MACROD2: variants seen among roughly 807,000 people sequenced by gnomAD.
The protein encoded by MACROD2 is ADP-ribose glycohydrolase MACROD2.
In MACROD2, 36 loss-of-function variants were observed where a neutral mutation model predicts 70.4. The observed-to-expected ratio is 0.51, with a 90% confidence interval of 0.39 to 0.68. MACROD2 has a LOEUF of 0.68. MACROD2 is among the 30% of genes least tolerant of loss of function. The probability of loss-of-function intolerance (pLI) is 0.00; values close to 1 mark genes in which losing one functional copy is unlikely to be tolerated. For synonymous variants in MACROD2, 172 were observed against 178.8 expected, an observed-to-expected ratio of 0.96 and a Z score of 0.30; for missense variants, 496 against 538.4, an observed-to-expected ratio of 0.92 and a Z score of 0.78.
chr20:15,729,713 C>CTTT (rs2050916145), intron 8 of MACROD2, among the ~76,000 whole-genome samples: 1 of 151,430 alleles, frequency 6.6e-6, no homozygotes, highest in Non-Finnish European at 1.5e-5. Context: ...ATAACAACCC[C>CTTT]TCCTTTTTTC....
intron 9 of MACROD2, among the ~76,000 whole-genome samples, chr20:15,869,244 G>A (rs1304850117): frequency 1.3e-5 from 1 of 78,070 alleles, no homozygotes; most frequent in African/African-American, 4.2e-5. Context: ...TATATAGAGA[G>A]AGAGAGAGAG....
At chr20:14,708,528 G>A (rs1021707388) in intron 5 of MACROD2, among the ~76,000 whole-genome samples, 1 of 152,168 alleles carries the variant, frequency 6.6e-6, no homozygotes, top group African/African-American at 2.4e-5. Context: ...GAGATTGACT[G>A]TGAGAACATT....
Position 14,699,423 on chromosome 20 carries a change from T to A in MACROD2, c.418+14464T>A, listed in dbSNP as rs528873055. 3.3e-5 allele frequency among the ~76,000 whole-genome samples: 5 copies of A among 152,280 alleles called. No individual in the cohort carries two copies. The South Asian group carries it at 1.0e-3, about 32-fold the overall frequency. ...TGGGAAATAATAAAGCTTTACAACT[T>A]GTTCTTTACAAATAGAATGCTAGGG... On this transcript the variant is annotated intron_variant, in intron 5 of 17. Transcript: ENST00000684519.
intron 8 of MACROD2, among the ~76,000 whole-genome samples, chr20:15,638,693 A>ATATGATAG (rs1568945077): frequency 1.3e-5 from 2 of 152,098 alleles, no homozygotes; most frequent in African/African-American, 4.8e-5. Flanking sequence ...TCTTGAATTC[A>ATATGATAG]TATGATAGTA....
At chr20:15,971,258 TC>T (rs748827326) in intron 13 of MACROD2, among the ~76,000 whole-genome samples, 5 of 152,144 alleles carry the variant, frequency 3.3e-5, no homozygotes, top group Non-Finnish European at 5.9e-5. Context: ...TTTGGCTGTG[TC>T]CCCACCCAAA....
chr20:14,425,308 C>T (rs62204375), intron 3 of MACROD2, among the ~76,000 whole-genome samples: 23,565 of 152,144 alleles, frequency 0.15, 2,598 homozygotes, highest in Non-Finnish European at 0.22. Context: ...TCTCCTCTCT[C>T]CGCATTACCC....
At chr20:15,128,843 TG>T (rs1173279112) in intron 5 of MACROD2, among the ~76,000 whole-genome samples, 8 of 68,114 alleles carry the variant, frequency 1.2e-4, no homozygotes, top group Non-Finnish European at 2.2e-4. Context: ...GTTTGTGTTT[TG>T]TTTTTTTTTT....
chr20:15,956,260 G>A (rs878989883), intron 12 of MACROD2, among the ~76,000 whole-genome samples: 1 of 152,212 alleles, frequency 6.6e-6, no homozygotes, highest in Non-Finnish European at 1.5e-5. Flanking sequence ...AATCAGTAAT[G>A]ATATGACCTG....
intron 9 of MACROD2, among the ~76,000 whole-genome samples, chr20:15,871,209 T>C (rs2064578327): frequency 6.6e-6 from 1 of 151,592 alleles, no homozygotes; most frequent in African/African-American, 2.4e-5. Flanking sequence ...AAATTAACAT[T>C]TAAAGTTCTC....
intron 3 of MACROD2, among the ~76,000 whole-genome samples, chr20:14,231,413 G>A (rs982285317): frequency 2.0e-5 from 3 of 152,010 alleles, no homozygotes; most frequent in Admixed American, 6.6e-5. Context: ...CCTTGCGATA[G>A]TTTGCTGAGA....
intron 8 of MACROD2, among the ~76,000 whole-genome samples, chr20:15,602,037 A>G (rs1568922277): frequency 6.6e-6 from 1 of 152,166 alleles, no homozygotes; most frequent in Non-Finnish European, 1.5e-5. Flanking sequence ...CAAAAAAAAA[A>G]AGAACTTGAA....
At chr20:14,604,278 CT>C (rs1016267015) in intron 4 of MACROD2, among the ~76,000 whole-genome samples, 5 of 152,220 alleles carry the variant, frequency 3.3e-5, no homozygotes, top group Non-Finnish European at 7.3e-5. Context: ...GCAAATTTCA[CT>C]TGAGCCATTG....
chr20:15,319,062 C>A lies in MACROD2; in HGVS notation c.540+89001C>A, dbSNP rs535425893. 1.4e-3 allele frequency among the ~76,000 whole-genome samples: 210 copies of A among 151,934 alleles called. 1 individual carries two copies. Among genetic ancestry groups the A allele is most frequent in the African/African-American group, 4.8e-3 (198 of 41,470 alleles). ...ACATGATTCTCTATATTAAAAATTC[C>A]AAAAATCCACAAAAAGAGAAAACTG... On this transcript the variant is annotated intron_variant, in intron 6 of 17. Coordinates refer to ENST00000684519, the MANE Select transcript of MACROD2 (RefSeq NM_001351661.2).
At chr20:15,771,622 T>A (rs1247689142) in intron 8 of MACROD2, among the ~76,000 whole-genome samples, 2 of 152,058 alleles carry the variant, frequency 1.3e-5, no homozygotes, top group Admixed American at 6.5e-5. Flanking sequence ...TGCATATGTA[T>A]GTATGTGTAT....
intron 8 of MACROD2, among the ~76,000 whole-genome samples, chr20:15,607,420 T>C (rs1319641457): frequency 6.6e-6 from 1 of 152,256 alleles, no homozygotes; most frequent in East Asian, 1.9e-4. Flanking sequence ...GCTTGATACT[T>C]TTCAGCCATT....
intron 6 of MACROD2, among the ~76,000 whole-genome samples, chr20:15,232,918 A>T (rs961955581): frequency 7.9e-5 from 12 of 152,112 alleles, no homozygotes; most frequent in Admixed American, 5.2e-4. Context: ...TAAGACAAGT[A>T]GTATGATAAT....
At chr20:15,846,128 G>A (rs2064228223) in intron 8 of MACROD2, among the ~76,000 whole-genome samples, 2 of 152,120 alleles carry the variant, frequency 1.3e-5, no homozygotes, top group African/African-American at 2.4e-5. Context: ...ATAAATAATT[G>A]GGTAGAATTG....
chr20:14,723,953 GT>G (rs1168989156), intron 5 of MACROD2, among the ~76,000 whole-genome samples: 5 of 151,964 alleles, frequency 3.3e-5, no homozygotes, highest in African/African-American at 1.2e-4. Context: ...ATTGTATTCT[GT>G]TGTTTACACT....
At position 15,460,997 on chromosome 20, in the gene MACROD2, TATATATA is replaced by T. The variant is rs1201600962; in HGVS notation, c.571+29563_571+29569del. Among the ~76,000 whole-genome samples the T allele has an allele frequency of 1.8e-3, 154 of 85,120 alleles. 8 individuals carry two copies. Among genetic ancestry groups the T allele is most frequent in the African/African-American group, 6.1e-3 (134 of 21,898 alleles). The allele number at this position is 85,120 out of a possible 152,430, so 55.8% of individuals were successfully genotyped here. The stretch of plus-strand genomic sequence containing the variant: ...CTCTCCATATATATATATATATATA[TATATATA>T]TATTTTTTTTTAATAGATGGGGTCT... On this transcript the variant is annotated intron_variant, in intron 7 of 17. Coordinates refer to ENST00000684519, the MANE Select transcript of MACROD2 (RefSeq NM_001351661.2).
Sources: gnomAD v4.1 joint callset for allele counts (sites outside exome capture counted in the v4.1 genomes callset) on GRCh38, gnomAD v4.1.1 for gene constraint, MANE v1.5 for transcripts, NCBI Gene and HGNC (gene_info 2026-07-23, HGNC 2026-07-21) for gene names.